KCNN2: variants seen among roughly 807,000 people sequenced by gnomAD.
KCNN2 encodes the protein potassium calcium-activated channel subfamily N member 2, also known as small conductance calcium-activated potassium channel protein 2.
In KCNN2, 24 loss-of-function variants were observed where a neutral mutation model predicts 55.5. That is an observed-to-expected ratio of 0.43 (90% confidence interval 0.31 to 0.61). The LOEUF is 0.61. KCNN2 is among the 20% of genes least tolerant of loss of function. KCNN2 has a pLI of 0.08. For missense variants in KCNN2, 754 were observed against 853.6 expected (o/e 0.88, Z 1.45); for synonymous variants, 431 against 336.1 (o/e 1.28, Z -3.09).
chr5:114,162,690 C>A (rs1033171908), intron 1 of KCNN2, among the ~76,000 whole-genome samples: 2 of 152,136 alleles, frequency 1.3e-5, no homozygotes, highest in African/African-American at 4.8e-5. Flanking sequence ...CCTGCTGAAG[C>A]CTCAGCAATG....
chr5:114,252,461 T>C (rs1754885142), intron 2 of KCNN2, among the ~76,000 whole-genome samples: 1 of 152,164 alleles, frequency 6.6e-6, no homozygotes, highest in South Asian at 2.1e-4. Flanking sequence ...GGATGCATAG[T>C]TCTGCATTTG....
At chr5:114,274,246 T>TGTA (rs113936511) in intron 2 of KCNN2, among the ~76,000 whole-genome samples, 136,595 of 151,918 alleles carry the variant, frequency 0.9, 61,776 homozygotes, top group East Asian at 0.94. Context: ...ACTGTAGCCT[T>TGTA]GTATAGTTTG....
intron 3 of KCNN2, among the ~76,000 whole-genome samples, chr5:114,406,691 G>C (rs1202613068): frequency 6.6e-6 from 1 of 152,020 alleles, no homozygotes; most frequent in Non-Finnish European, 1.5e-5. Context: ...TCACCTTGAA[G>C]AAATGACTCT....
intron 3 of KCNN2, among the ~76,000 whole-genome samples, chr5:114,407,681 A>T (rs1758980416): frequency 6.6e-6 from 1 of 152,186 alleles, no homozygotes; most frequent in South Asian, 2.1e-4. Context: ...TTCTCTGACC[A>T]TCTGACCAGT....
chr5:114,132,749 T>A (rs767292739), intron 1 of KCNN2, among the ~76,000 whole-genome samples: 2 of 152,192 alleles, frequency 1.3e-5, no homozygotes, highest in Non-Finnish European at 2.9e-5. Context: ...TAAAAAGTAG[T>A]CTTAGGTAAG....
intron 3 of KCNN2, among the ~76,000 whole-genome samples, chr5:114,405,711 G>A (rs1189365985): frequency 4.1e-5 from 5 of 121,556 alleles, no homozygotes; most frequent in Non-Finnish European, 6.6e-5. Context: ...GTTTTGTTTT[G>A]TTTTGTTTTT....
Position 114,107,910 on chromosome 5 carries a change from C to G in KCNN2, c.-271+51410C>G, listed in dbSNP as rs186578083. ...TCTCTTGGTGACGTTTTGCCGCGTT[C>G]TTGGTTGCATTACTTTCATTGGATC... On this transcript the variant is annotated intron_variant, in intron 1 of 10. Coordinates refer to the KCNN2 transcript ENST00000512097. Among the ~76,000 whole-genome samples the G allele has an allele frequency of 1.4e-4, 22 of 152,030 alleles. No individual in the cohort carries two copies. In the East Asian group the frequency reaches 3.7e-3, roughly 25 times the overall value.
chr5:114,337,115 C>T (rs1337600374), intron 2 of KCNN2, among the ~76,000 whole-genome samples: 1 of 151,700 alleles, frequency 6.6e-6, no homozygotes, highest in Non-Finnish European at 1.5e-5. Flanking sequence ...TTGCAGTCAT[C>T]AAAGAAAAAG....
At position 114,404,840 on chromosome 5, in the gene KCNN2, G is replaced by C; in HGVS notation, c.1621G>C (p.Val541Leu). Residue 541 changes from valine (V) to leucine (L), a missense_variant, in exon 3 of 8, where the codon GTC (valine) becomes CTC (leucine). Transcript: ENST00000673685. ...ISLWIIAAWT[V>L]RACERYHDQQ... Reference sequence around the variant, plus strand: ...ATTATGGATAATTGCCGCATGGACTGTCCGAGCTTGTGAAAGGTAAGTTTG... The same window carrying C: ...ATTATGGATAATTGCCGCATGGACTCTCCGAGCTTGTGAAAGGTAAGTTTG... 6.2e-7 allele frequency: 1 copy of C among 1,605,528 alleles called. No individual in the cohort carries two copies. The highest frequency in any genetic ancestry group is 8.5e-7 in the Non-Finnish European group (1 of 1,173,716).
At chr5:114,215,478 A>G (rs995116848) in intron 1 of KCNN2, among the ~76,000 whole-genome samples, 23 of 152,060 alleles carry the variant, frequency 1.5e-4, no homozygotes, top group African/African-American at 5.1e-4. Flanking sequence ...GTGGACTAAC[A>G]CTCTAAGGCA....
chr5:114,135,654 T>A (rs2112618561), intron 1 of KCNN2, among the ~76,000 whole-genome samples: 1 of 152,336 alleles, frequency 6.6e-6, no homozygotes, highest in South Asian at 2.1e-4. Context: ...TTAGTTTTTC[T>A]GATGTGAGCA....
At chr5:114,168,174 T>C (rs62382872) in intron 1 of KCNN2, among the ~76,000 whole-genome samples, 12,015 of 148,728 alleles carry the variant, frequency 0.081, 532 homozygotes, top group Middle Eastern at 0.11. Flanking sequence ...TGGATATATA[T>C]ACACACACAC....
At chr5:114,227,216 G>A (rs958752090) in intron 2 of KCNN2, among the ~76,000 whole-genome samples, 1 of 152,136 alleles carries the variant, frequency 6.6e-6, no homozygotes, top group African/African-American at 2.4e-5. Flanking sequence ...ATTTATAACA[G>A]TTAATGAGCG....
chr5:114,121,951 G>T (rs147735658), intron 1 of KCNN2, among the ~76,000 whole-genome samples: 1 of 152,344 alleles, frequency 6.6e-6, no homozygotes, highest in East Asian at 1.9e-4. Context: ...ATTGGAGGAT[G>T]TTTGTTCTGT....
chr5:114,399,178 T>C (rs1283559106), intron 2 of KCNN2, among the ~76,000 whole-genome samples: 1 of 152,172 alleles, frequency 6.6e-6, no homozygotes, highest in Non-Finnish European at 1.5e-5. Context: ...TGGCTGTGGG[T>C]TTGTCATAGA....
At chr5:114,423,944 T>C (rs1384256100) in intron 3 of KCNN2, among the ~76,000 whole-genome samples, 1 of 152,108 alleles carries the variant, frequency 6.6e-6, no homozygotes, top group Non-Finnish European at 1.5e-5. Context: ...GTTTCGAGGG[T>C]CAGAGAAGTA....
chr5:114,265,324 GGTGT>G (rs60111802), intron 2 of KCNN2, among the ~76,000 whole-genome samples: 4,765 of 149,132 alleles, frequency 0.032, 107 homozygotes, highest in African/African-American at 0.069. Context: ...ATCAAGAGGA[GGTGT>G]GTGTGTGTGT....
intron 2 of KCNN2, among the ~76,000 whole-genome samples, chr5:114,285,817 C>A (rs1182073865): frequency 6.6e-6 from 1 of 151,932 alleles, no homozygotes. Context: ...CAATATTCTC[C>A]TTGAGGTGAA....
chr5:114,084,563 G>A (rs1650246845), intron 1 of KCNN2, among the ~76,000 whole-genome samples: 1 of 151,740 alleles, frequency 6.6e-6, no homozygotes, highest in South Asian at 2.1e-4. Flanking sequence ...GTATATTTTC[G>A]ATACAGGTAC....
Sources: gnomAD v4.1 joint callset for allele counts (sites outside exome capture counted in the v4.1 genomes callset) on GRCh38, gnomAD v4.1.1 for gene constraint, MANE v1.5 for transcripts, NCBI Gene and HGNC (gene_info 2026-07-23, HGNC 2026-07-21) for gene names.